Variants in PDE10A observed in about 807,000 individuals in gnomAD.
The protein encoded by PDE10A is phosphodiesterase 10A.
A neutral mutation model predicts 97.7 loss-of-function variants in PDE10A; 39 were observed. The ratio of observed to expected loss-of-function variants is 0.40; its 90% CI spans 0.31 to 0.52. The LOEUF (loss-of-function observed/expected upper bound fraction) is 0.52. Among genes scored for constraint, PDE10A ranks in the 20% least tolerant of loss-of-function variants. PDE10A has a pLI of 0.56. For synonymous variants in PDE10A, 371 were observed against 376.8 expected (o/e 0.98, Z 0.18); for missense variants, 731 against 1,047.8 (o/e 0.70, Z 4.17).
intron 1 of PDE10A, among the ~76,000 whole-genome samples, chr6:165,968,880 C>G (rs554745120): frequency 6.6e-6 from 1 of 152,192 alleles, no homozygotes; most frequent in African/African-American, 2.4e-5. Context: ...CGGGCTTGAA[C>G]CTGCACCCTG....
intron 18 of PDE10A, among the ~76,000 whole-genome samples, chr6:165,378,354 C>T (rs1784741913): frequency 6.6e-6 from 1 of 152,152 alleles, no homozygotes. Flanking sequence ...TAAGTAAGTG[C>T]TCACCAGCCT....
chr6:165,763,545 A>T (rs1361721016), intron 1 of PDE10A, among the ~76,000 whole-genome samples: 2 of 151,956 alleles, frequency 1.3e-5, no homozygotes, highest in Admixed American at 6.6e-5. Flanking sequence ...CTGGTCTCGA[A>T]CTCCTGACCT....
intron 2 of PDE10A, among the ~76,000 whole-genome samples, chr6:165,502,163 T>C (rs1051272495): frequency 6.6e-6 from 1 of 152,166 alleles, no homozygotes; most frequent in Non-Finnish European, 1.5e-5. Flanking sequence ...GGGTGAAAAC[T>C]GTAAAATGTG....
chr6:165,464,950 G>A (rs1003298015), intron 3 of PDE10A, among the ~76,000 whole-genome samples: 7 of 152,150 alleles, frequency 4.6e-5, no homozygotes, highest in Non-Finnish European at 1.0e-4. Context: ...GAGCTATTAT[G>A]AATAAAGCCT....
chr6:165,621,646 C>T (rs1433174349), intron 1 of PDE10A, among the ~76,000 whole-genome samples: 5 of 152,022 alleles, frequency 3.3e-5, no homozygotes, highest in Non-Finnish European at 7.3e-5. Flanking sequence ...GTCCCAGCTA[C>T]TTGGGAGGCT....
chr6:165,766,614 T>G (rs1279947493), intron 1 of PDE10A, among the ~76,000 whole-genome samples: 1 of 152,220 alleles, frequency 6.6e-6, no homozygotes, highest in Non-Finnish European at 1.5e-5. Flanking sequence ...CTTTTATTGT[T>G]TATTAGTTAT....
intron 1 of PDE10A, among the ~76,000 whole-genome samples, chr6:165,901,723 A>G (rs552394095): frequency 6.6e-6 from 1 of 152,196 alleles, no homozygotes; most frequent in East Asian, 1.9e-4. Context: ...AATCACTTGA[A>G]CTTGGGAGGT....
At chr6:165,517,389 A>G (rs1781874221) in intron 2 of PDE10A, among the ~76,000 whole-genome samples, 1 of 152,208 alleles carries the variant, frequency 6.6e-6, no homozygotes, top group Admixed American at 6.6e-5. Flanking sequence ...ATAGTTCAAC[A>G]CAAACACCAG....
intron 1 of PDE10A, among the ~76,000 whole-genome samples, chr6:165,769,249 A>G (rs958543439): frequency 3.9e-5 from 6 of 152,142 alleles, no homozygotes; most frequent in Non-Finnish European, 8.8e-5. Flanking sequence ...TAAATTTTTC[A>G]TGTCATCTAA....
intron 1 of PDE10A, among the ~76,000 whole-genome samples, chr6:165,727,000 C>T (rs1402421778): frequency 6.6e-6 from 1 of 152,194 alleles, no homozygotes; most frequent in Non-Finnish European, 1.5e-5. Context: ...CGTGTCCACC[C>T]TCCTCGCGTG....
intron 1 of PDE10A, among the ~76,000 whole-genome samples, chr6:165,790,744 C>T (rs1221528432): frequency 2.0e-5 from 3 of 152,088 alleles, no homozygotes; most frequent in East Asian, 1.9e-4. Flanking sequence ...AAGAAGGTCA[C>T]GTGGGGTCAT....
intron 2 of PDE10A, among the ~76,000 whole-genome samples, chr6:165,485,295 C>G (rs763513183): frequency 6.6e-6 from 1 of 151,766 alleles, no homozygotes; most frequent in Admixed American, 6.6e-5. Flanking sequence ...AGTGAAGCCC[C>G]GTCTCTACTA....
intron 1 of PDE10A, among the ~76,000 whole-genome samples, chr6:165,683,727 G>A (rs1020496333): frequency 6.6e-6 from 1 of 152,178 alleles, no homozygotes; most frequent in Non-Finnish European, 1.5e-5. Flanking sequence ...TCACACAGGA[G>A]GGCTGGAGAG....
intron 1 of PDE10A, among the ~76,000 whole-genome samples, chr6:165,859,245 C>G (rs1780834479): frequency 6.6e-6 from 1 of 152,226 alleles, no homozygotes; most frequent in Non-Finnish European, 1.5e-5. Context: ...TTCCATGGGG[C>G]AGAGCACACT....
chr6:165,899,891 A>T (rs544458596), intron 1 of PDE10A, among the ~76,000 whole-genome samples: 1 of 152,224 alleles, frequency 6.6e-6, no homozygotes, highest in East Asian at 1.9e-4. Context: ...TTGCTCAGCA[A>T]CCTGTTTTTT....
In PDE10A at chr6:165,973,678, C is replaced by T. The variant is rs745751466; in HGVS notation, c.-615+13851G>A. Among the ~76,000 whole-genome samples, 8 of 152,178 alleles carry T rather than the reference C, an allele frequency of 5.3e-5. No homozygotes were observed. In the East Asian group the frequency reaches 9.6e-4, roughly 18 times the overall value. The stretch of plus-strand genomic sequence containing the variant: ...GAAGAGGCAGACAGATGAGAAGCAC[C>T]GCCGCGTGGGCCCCAGACTGGCCCA... On this transcript the variant is annotated intron_variant, in intron 1 of 19. Transcript: ENST00000366882.
At chr6:165,633,340 A>C (rs1562646257) in intron 1 of PDE10A, among the ~76,000 whole-genome samples, 1 of 152,194 alleles carries the variant, frequency 6.6e-6, no homozygotes, top group Non-Finnish European at 1.5e-5. Context: ...TGTCCCTGAA[A>C]TGTGGCTCAG....
intron 2 of PDE10A, among the ~76,000 whole-genome samples, chr6:165,522,364 C>A (rs746730522): frequency 6.6e-6 from 1 of 152,086 alleles, no homozygotes; most frequent in South Asian, 2.1e-4. Context: ...AAACTATAGT[C>A]TAATATCCCT....
intron 18 of PDE10A, among the ~76,000 whole-genome samples, chr6:165,344,791 G>C (rs1172501936): frequency 6.6e-6 from 1 of 152,106 alleles, no homozygotes; most frequent in African/African-American, 2.4e-5. Flanking sequence ...TTTTGTAAGG[G>C]CACATTTCAA....
Sources: gnomAD v4.1 joint callset for allele counts (sites outside exome capture counted in the v4.1 genomes callset) on GRCh38, gnomAD v4.1.1 for gene constraint, MANE v1.5 for transcripts, NCBI Gene and HGNC (gene_info 2026-07-23, HGNC 2026-07-21) for gene names.